Variants in LMTK3 observed in about 807,000 individuals in gnomAD.
LMTK3 encodes the protein lemur tail kinase 3.
In LMTK3, 27 loss-of-function variants were observed where a neutral mutation model predicts 116.7. The observed-to-expected ratio is 0.23, with a 90% CI of 0.17 to 0.32. The LOEUF (loss-of-function observed/expected upper bound fraction) is 0.32, where lower values mean the gene tolerates loss of function less well. Ranked by LOEUF, LMTK3 falls within the 10% of genes least tolerant of loss-of-function variation. The pLI, the probability that LMTK3 is intolerant of heterozygous loss-of-function variation, is 1.00. For synonymous variants in LMTK3, 965 were observed against 971.0 expected (o/e 0.99, Z 0.11); for missense variants, 1,764 against 2,068.5 (o/e 0.85, Z 2.86).
intron 14 of LMTK3, among the ~76,000 whole-genome samples, chr19:48,488,625 C>T (rs1972165693): frequency 6.6e-6 from 1 of 152,094 alleles, no homozygotes. Flanking sequence ...GCGGGCCAAG[C>T]TCTCTCCTGC....
rs184475860 is a variant in LMTK3, at chr19:48,488,636, C to T, written c.4366+2472G>A. 4.5e-4 allele frequency among the ~76,000 whole-genome samples: 68 copies of T among 152,284 alleles called. No individual in the cohort carries two copies. The East Asian group carries it at 0.013, about 28-fold the overall frequency. ...TTGAGCGGGCCAAGCTCTCTCCTGC[C>T]TCAGGCCCTGTGTGCAAGCTGTCCC... On this transcript the variant is annotated intron_variant, in intron 14 of 14. Transcript: ENST00000600059.
In LMTK3 at chr19:48,499,305, G is replaced by T. The variant is rs2147545945; in HGVS notation, c.1764C>A (p.Leu588=). Residue 588 remains leucine, a synonymous_variant, in exon 11 of 15, where the codon CTC becomes CTA. Coordinates refer to ENST00000600059, the MANE Select transcript of LMTK3 (RefSeq NM_001388485.1). ...QLVSETWASP[L]FPAPRPFPAQ... is the part of the protein sequence containing the mutation. Reference sequence around the variant, plus strand: ...CTGGGAAGGGCCGGGGCGCAGGGAAGAGGGGGGAGGCCCAGGTCTCGGACA... The same window carrying T: ...CTGGGAAGGGCCGGGGCGCAGGGAATAGGGGGGAGGCCCAGGTCTCGGACA... 7.1e-7 allele frequency: 1 copy of T among 1,417,256 alleles called. No homozygotes were observed. 87.8% of individuals were successfully genotyped at this position (1,417,256 alleles called of 1,614,324 possible). A position where few individuals can be genotyped will look rare whatever the true frequency, so the allele number is the denominator to read the frequency against.
chr19:48,498,766 G>C lies in LMTK3; in HGVS notation c.2303C>G (p.Ala768Gly). The C allele has an allele frequency of 6.8e-7, 1 of 1,472,226 alleles. No individual in the cohort carries two copies. Among genetic ancestry groups the C allele is most frequent in the Non-Finnish European group, 9.0e-7 (1 of 1,114,694 alleles). 91.2% of individuals were successfully genotyped at this position (1,472,226 alleles called of 1,614,324 possible). A position where few individuals can be genotyped will look rare whatever the true frequency, so the allele number is the denominator to read the frequency against. The change falls in exon 11 of 15, where the codon GCG becomes GGG. Residue 768 changes from alanine (A) to glycine (G), a missense_variant. Transcript: ENST00000600059. ...PPPRAPADPA[A>G]SPDPPSAVAS... The stretch of plus-strand genomic sequence containing the variant: ...CACGGCCGAAGGGGGGTCGGGGGAC[G>C]CGGCCGGGTCCGCGGGGGCCCGAGG...
intron 5 of LMTK3, among the ~76,000 whole-genome samples, chr19:48,503,880 T>C (rs987124107): frequency 2.1e-5 from 3 of 140,282 alleles, no homozygotes; most frequent in Admixed American, 1.4e-4. Context: ...CCTTCCTTCC[T>C]CTTTGAGAGG....
chr19:48,493,914 G>GCCTCCTCGT lies in LMTK3; in HGVS notation c.3863_3871dup (p.Asp1288_Glu1290dup). ...CCCCGCCGCCGCGCCCGGCGCCGCC[G>GCCTCCTCGT]CCTCCTCGTCCTCCTCCTCGTCCTC... On this transcript the variant is annotated inframe_insertion, in exon 12 of 15. Transcript: ENST00000600059. 9.7e-7 allele frequency: 1 copy of GCCTCCTCGT among 1,028,984 alleles called. No homozygotes were observed. Among genetic ancestry groups the GCCTCCTCGT allele is most frequent in the Non-Finnish European group, 1.2e-6 (1 of 861,994 alleles). The allele number at this position is 1,028,984 out of a possible 1,614,324, so 63.7% of individuals were successfully genotyped here.
intron 5 of LMTK3, among the ~76,000 whole-genome samples, chr19:48,505,057 T>C (rs554683305): frequency 1.3e-5 from 2 of 149,326 alleles, no homozygotes; most frequent in African/African-American, 4.9e-5. Context: ...CATTTTCTCA[T>C]GGTATTTGTC....
rs777209175 is a variant in LMTK3 at position 48,497,905 on chromosome 19, G to A, written c.3164C>T (p.Ala1055Val). The A allele has an allele frequency of 2.0e-6, 3 of 1,500,098 alleles. No individual in the cohort carries two copies. The African/African-American group carries it at 4.2e-5, about 21-fold the overall frequency. 92.9% of individuals were successfully genotyped at this position (1,500,098 alleles called of 1,614,324 possible). Residue 1055 changes from alanine to valine, a missense_variant, in exon 11 of 15, where the codon GCC becomes GTC. Physicochemically the swap from Ala to Val is moderately conservative, Grantham distance 64. Around this residue, in one of 7 missense-constraint regions of LMTK3, gnomAD observed 1,028 missense variants for 1,050.6 expected, o/e 0.98. Transcript: ENST00000600059. The surrounding 1 kb of genome is among the most constrained non-coding windows in gnomAD (Gnocchi z 5.7). The stretch of plus-strand genomic sequence containing the variant: ...GGAGACCACTGCGCTGGGTGCAGGG[G>A]CTCTCTCCAGAGAGGTCTCTGGGGC... ...EPAPETSLER[A>V]PAPSAVVSSR...
chr19:48,502,082 C>G (rs1197942543), intron 7 of LMTK3, among the ~76,000 whole-genome samples: 7 of 112,728 alleles, frequency 6.2e-5, no homozygotes, highest in Non-Finnish European at 1.3e-4. Flanking sequence ...TCCTCCCCCT[C>G]TCCTGGCTCC....
rs1972219763 is a variant in LMTK3 at position 48,491,337 on chromosome 19, C to T, written c.4228+67G>A. On this transcript the variant is annotated intron_variant, in intron 13 of 14. Transcript: ENST00000600059. This position sits in a 1 kb window ranked among gnomAD's most constrained non-coding sequence, Gnocchi z 5.1. ...CCCCTCCCGACCAAGCCCCTCCCACCCCATAGACCCCGCCCCGTCCGCCCC... is the reference window on the plus strand; with the variant it reads ...CCCCTCCCGACCAAGCCCCTCCCACTCCATAGACCCCGCCCCGTCCGCCCC... The T allele has an allele frequency of 7.4e-7, 1 of 1,345,816 alleles. No homozygotes were observed. Among genetic ancestry groups the T allele is most frequent in the Non-Finnish European group, 9.6e-7 (1 of 1,045,260 alleles). 83.4% of individuals were successfully genotyped at this position (1,345,816 alleles called of 1,614,324 possible).
Position 48,485,605 on chromosome 19 carries a change from C to G in LMTK3, c.*168G>C, listed in dbSNP as rs1220979071. The G allele has an allele frequency of 1.6e-6, 1 of 614,480 alleles. No individual in the cohort carries two copies. The highest frequency in any genetic ancestry group is 2.6e-6 in the Non-Finnish European group (1 of 388,642). The allele number at this position is 614,480 out of a possible 1,614,324, so 38.1% of individuals were successfully genotyped here. On this transcript the variant is annotated 3_prime_UTR_variant, in exon 15 of 15. Transcript: ENST00000600059. ...TCTGGGGGGCTGGGGGGCGGGGGCCCGGGGCCTCCCGTTTGGCACATGGTA... is the reference window on the plus strand; with the variant it reads ...TCTGGGGGGCTGGGGGGCGGGGGCCGGGGGCCTCCCGTTTGGCACATGGTA...
chr19:48,487,115 A>G (rs1601037633), intron 14 of LMTK3, among the ~76,000 whole-genome samples: 1 of 146,772 alleles, frequency 6.8e-6, no homozygotes, highest in African/African-American at 2.6e-5. Flanking sequence ...GCTCAATGCA[A>G]CCTCCACCTC....
intron 12 of LMTK3, 48 bp downstream of exon 12, chr19:48,493,646 C>A (rs1972268554): frequency 6.6e-7 from 1 of 1,523,246 alleles, no homozygotes; most frequent in East Asian, 2.6e-5. Context: ...TAGGCTCCTG[C>A]TCCCTCCAGG....
chr19:48,498,984 G>C lies in LMTK3; in HGVS notation c.2085C>G (p.His695Gln), dbSNP rs1043988756. ...GGGGGTGGGGGCAGCCAAGAGCAGG[G>C]TGGCCTCCCCAGCCTGCTACGGCGT... ...RGDAVAGWGGHPALGCPHPPE... is the reference protein window; with the variant it reads ...RGDAVAGWGGQPALGCPHPPE... The change falls in exon 11 of 15, where the codon CAC becomes CAG. Residue 695 changes from histidine to glutamine, a missense_variant. Physicochemically the swap from His to Gln is conservative, Grantham distance 24 (BLOSUM62 0). Around this residue, in one of 7 missense-constraint regions of LMTK3, gnomAD observed 1,028 missense variants for 1,050.6 expected, o/e 0.98. Transcript: ENST00000600059. The C allele has an allele frequency of 1.0e-4, 138 of 1,371,830 alleles. No individual in the cohort carries two copies. Among genetic ancestry groups the C allele is most frequent in the Non-Finnish European group, 1.2e-4 (125 of 1,063,200 alleles). 85.0% of individuals were successfully genotyped at this position (1,371,830 alleles called of 1,614,324 possible). A position where few individuals can be genotyped will look rare whatever the true frequency, so the allele number is the denominator to read the frequency against.
chr19:48,498,853 GC>G lies in LMTK3; in HGVS notation c.2215del (p.Ala739ArgfsTer119). ...CCGCCCGGGGTACTGGGGCGCCGCC[GC>G]CCCCATGAGGGGGTCCAGAAACTCG... is the stretch of plus-strand genomic sequence containing the variant. ...PPEFLDPLMG[A>X]AAPQYPGRGP... On this transcript the variant is annotated frameshift_variant, in exon 11 of 15. Coordinates refer to ENST00000600059, the MANE Select transcript of LMTK3 (RefSeq NM_001388485.1). LOFTEE classifies it high-confidence loss of function. 1 of 1,129,168 alleles carries G rather than the reference GC, an allele frequency of 8.9e-7. No homozygotes were observed. Among genetic ancestry groups the G allele is most frequent in the Non-Finnish European group, 1.1e-6 (1 of 896,750 alleles). The allele number at this position is 1,129,168 out of a possible 1,614,324, so 69.9% of individuals were successfully genotyped here.
In LMTK3 at chr19:48,493,916, C is replaced by T. The variant is rs1214942187; in HGVS notation, c.3870G>A (p.Glu1290=). 2.9e-6 allele frequency: 3 copies of T among 1,029,448 alleles called. No individual in the cohort carries two copies. The highest frequency in any genetic ancestry group is 2.3e-6 in the Non-Finnish European group (2 of 862,494). 63.8% of individuals were successfully genotyped at this position (1,029,448 alleles called of 1,614,324 possible). A position where few individuals can be genotyped will look rare whatever the true frequency, so the allele number is the denominator to read the frequency against. The change falls in exon 12 of 15, where the codon GAG becomes GAA. Residue 1290 remains glutamate (E), a synonymous_variant. Transcript: ENST00000600059. ...CCGCCGCCGCGCCCGGCGCCGCCGC[C>T]TCCTCGTCCTCCTCCTCGTCCTCGT... ...DEDEDEEEDE[E]AAAPGAAAGP...
rs1422080061 is a variant in LMTK3 at position 48,497,712 on chromosome 19, C to T, written c.3357G>A (p.Thr1119=). 1 of 1,331,190 alleles carries T rather than the reference C, an allele frequency of 7.5e-7. No individual in the cohort carries two copies. The highest frequency in any genetic ancestry group is 9.6e-7 in the Non-Finnish European group (1 of 1,045,506). 82.5% of individuals were successfully genotyped at this position (1,331,190 alleles called of 1,614,324 possible). ...LGSGGRAPVG[T]GTAPGGGPGS... Reference sequence around the variant, plus strand: ...CGGGGCCGCCGCCGGGGGCCGTCCCCGTGCCCACTGGGGCTCGGCCCCCAC... The same window carrying T: ...CGGGGCCGCCGCCGGGGGCCGTCCCTGTGCCCACTGGGGCTCGGCCCCCAC... The change falls in exon 11 of 15, where the codon ACG becomes ACA. Residue 1119 remains threonine (T), a synonymous_variant. Transcript: ENST00000600059. The surrounding 1 kb of genome is among the most constrained non-coding windows in gnomAD (Gnocchi z 5.7).
At chr19:48,513,322 G>T (rs763102592), upstream of LMTK3, 1 of 713,972 alleles carries the variant, frequency 1.4e-6, no homozygotes, top group Non-Finnish European at 2.5e-6. This position sits in a 1 kb window ranked among gnomAD's most constrained non-coding sequence, Gnocchi z 5.6. Flanking sequence ...TCTGAGACAG[G>T]TATTTTTTAA....
chr19:48,511,361 C>A, intron 1 of LMTK3, 140 bp downstream of exon 1: 1 of 422,788 alleles, frequency 2.4e-6, no homozygotes, highest in Non-Finnish European at 4.1e-6. Context: ...GCACCGTCCC[C>A]GCCGCTCCGG....
intron 6 of LMTK3, 27 bp downstream of exon 6, chr19:48,502,882 C>G: frequency 6.4e-7 from 1 of 1,569,566 alleles, no homozygotes. Flanking sequence ...CCCCCTCTGC[C>G]CTTCCCCAAC....
Sources: allele counts gnomAD v4.1 joint callset (sites outside exome capture counted in the v4.1 genomes callset), GRCh38; gene constraint gnomAD v4.1.1; regional missense constraint gnomAD v4.1.1; non-coding constraint Gnocchi (gnomAD v3.1); transcripts MANE v1.5; gene names NCBI Gene and HGNC (gene_info 2026-07-23, HGNC 2026-07-21).